EFNA5: variants seen among roughly 807,000 people sequenced by gnomAD.
EFNA5 encodes the protein ephrin-A5.
Under a neutral mutation model 22.9 loss-of-function variants are expected in EFNA5, and 5 were observed. That is an observed-to-expected ratio of 0.22 (90% confidence interval 0.11 to 0.46). EFNA5 has a LOEUF of 0.46. Ranked by LOEUF, EFNA5 falls within the 20% of genes least tolerant of loss-of-function variation. EFNA5 has a pLI of 0.99. For missense variants in EFNA5, 237 were observed against 293.3 expected, an observed-to-expected ratio of 0.81 and a Z score of 1.40; for synonymous variants, 113 against 112.2, an observed-to-expected ratio of 1.01 and a Z score of -0.04.
At chr5:107,638,761 G>A (rs767464673) in intron 1 of EFNA5, among the ~76,000 whole-genome samples, 4 of 152,090 alleles carry the variant, frequency 2.6e-5, no homozygotes, top group African/African-American at 9.7e-5. Context: ...CACGGATACC[G>A]AGGGATGAAT....
intron 1 of EFNA5, among the ~76,000 whole-genome samples, chr5:107,511,002 TTGTGTGTG>T (rs71644591): frequency 4.8e-4 from 67 of 140,398 alleles, no homozygotes; most frequent in East Asian, 6.2e-4. Context: ...TTCTTTTTCT[TTGTGTGTG>T]TGTGTGTGTG....
intron 1 of EFNA5, among the ~76,000 whole-genome samples, chr5:107,599,695 GA>G (rs35228257): frequency 1.3e-5 from 2 of 152,198 alleles, no homozygotes; most frequent in African/African-American, 4.8e-5. Flanking sequence ...AATATTTTAT[GA>G]AAAGTAGCTA....
intron 2 of EFNA5, among the ~76,000 whole-genome samples, chr5:107,421,080 T>G (rs1449144988): frequency 6.6e-6 from 1 of 152,228 alleles, no homozygotes; most frequent in Non-Finnish European, 1.5e-5. Context: ...AAATGATTTC[T>G]GAAGCTGATC....
At chr5:107,519,502 G>T (rs1358615899) in intron 1 of EFNA5, among the ~76,000 whole-genome samples, 1 of 152,176 alleles carries the variant, frequency 6.6e-6, no homozygotes, top group Non-Finnish European at 1.5e-5. Context: ...AGAAAGCCCT[G>T]TTCAGAATTT....
chr5:107,481,651 C>T (rs935744816), intron 1 of EFNA5, among the ~76,000 whole-genome samples: 1 of 151,758 alleles, frequency 6.6e-6, no homozygotes, highest in Non-Finnish European at 1.5e-5. Context: ...GAGTTAGAGA[C>T]CAGCCTGGCC....
chr5:107,482,828 CTCTG>C (rs1444187272), intron 1 of EFNA5, among the ~76,000 whole-genome samples: 66 of 87,100 alleles, frequency 7.6e-4, no homozygotes, highest in East Asian at 3.5e-3. Flanking sequence ...CTCTCTCTGT[CTCTG>C]TCTCTCTCTC....
intron 2 of EFNA5, among the ~76,000 whole-genome samples, chr5:107,390,479 C>A (rs1386305020): frequency 6.6e-5 from 10 of 152,018 alleles, no homozygotes; most frequent in Non-Finnish European, 1.5e-4. Context: ...ATGTAACATT[C>A]CCACTAATAA....
chr5:107,575,364 T>C (rs1009091254), intron 1 of EFNA5, among the ~76,000 whole-genome samples: 6 of 152,210 alleles, frequency 3.9e-5, no homozygotes, highest in Middle Eastern at 3.2e-3. Flanking sequence ...TTTGGGTTGT[T>C]TTGTGGTCAT....
At chr5:107,506,976 C>G (rs1450867157) in intron 1 of EFNA5, among the ~76,000 whole-genome samples, 1 of 152,054 alleles carries the variant, frequency 6.6e-6, no homozygotes, top group Non-Finnish European at 1.5e-5. Flanking sequence ...AATAATGCAT[C>G]ATCTTCAGGG....
At chr5:107,398,058 C>T (rs919165785) in intron 2 of EFNA5, among the ~76,000 whole-genome samples, 12 of 152,052 alleles carry the variant, frequency 7.9e-5, no homozygotes, top group South Asian at 4.1e-4. Flanking sequence ...TTTTGAGACA[C>T]GGTCTCTCTC....
intron 1 of EFNA5, among the ~76,000 whole-genome samples, chr5:107,592,788 CTG>C (rs1749403954): frequency 6.6e-6 from 1 of 152,116 alleles, no homozygotes; most frequent in Admixed American, 6.5e-5. Flanking sequence ...GAAGTGAAAT[CTG>C]TGACTGGGAG....
At chr5:107,577,154 C>T (rs887668097) in intron 1 of EFNA5, among the ~76,000 whole-genome samples, 5 of 152,168 alleles carry the variant, frequency 3.3e-5, no homozygotes, top group Admixed American at 1.3e-4. Context: ...AAATGACTAA[C>T]ATAATTGCCA....
At chr5:107,540,932 C>T (rs757597402) in intron 1 of EFNA5, among the ~76,000 whole-genome samples, 2 of 152,060 alleles carry the variant, frequency 1.3e-5, no homozygotes, top group Non-Finnish European at 2.9e-5. Flanking sequence ...CATGGTGAAG[C>T]CCTGTCTCTA....
chr5:107,473,240 T>C (rs2112388271), intron 1 of EFNA5, among the ~76,000 whole-genome samples: 1 of 149,866 alleles, frequency 6.7e-6, no homozygotes, highest in Admixed American at 6.7e-5. Context: ...AGCCACATCA[T>C]TCCCCATTGC....
intron 1 of EFNA5, among the ~76,000 whole-genome samples, chr5:107,578,738 A>G (rs1748978911): frequency 6.6e-6 from 1 of 152,114 alleles, no homozygotes; most frequent in Admixed American, 6.6e-5. Context: ...ACATTTGCCA[A>G]GCAGAATTCT....
chr5:107,386,529 T>C (rs150246997), intron 4 of EFNA5, among the ~76,000 whole-genome samples: 17 of 152,304 alleles, frequency 1.1e-4, no homozygotes, highest in Admixed American at 9.8e-4. Flanking sequence ...TGGGAAACAT[T>C]AGGAGTGTGG....
chr5:107,521,834 C>CT lies in EFNA5; in HGVS notation c.126-94326dup, dbSNP rs369690829. On this transcript the variant is annotated intron_variant, in intron 1 of 4. Transcript: ENST00000333274. ...TATTATTGTATGTCTTTTTTTCTTT[C>CT]TTAGTCAGTTCCCGCTATGTTTTCC... Among the ~76,000 whole-genome samples, 50 of 151,822 alleles carry CT rather than the reference C, an allele frequency of 3.3e-4. 2 individuals are homozygous for CT. The highest frequency in any genetic ancestry group is 1.2e-3 in the African/African-American group (49 of 41,424).
intron 1 of EFNA5, among the ~76,000 whole-genome samples, chr5:107,670,092 C>T (rs1159100341): frequency 2.7e-5 from 4 of 150,882 alleles, no homozygotes; most frequent in African/African-American, 9.7e-5. Context: ...TCCGCAGTCC[C>T]TGCGGACCCA....
intron 3 of EFNA5, 70 bp downstream of exon 3, chr5:107,387,636 C>A: frequency 8.6e-7 from 1 of 1,157,190 alleles, no homozygotes; most frequent in Non-Finnish European, 1.3e-6. Context: ...GTTTTACCGC[C>A]GTGAACCAGA....
Sources: gnomAD v4.1 joint callset for allele counts (sites outside exome capture counted in the v4.1 genomes callset) on GRCh38, gnomAD v4.1.1 for gene constraint, MANE v1.5 for transcripts, NCBI Gene and HGNC (gene_info 2026-07-23, HGNC 2026-07-21) for gene names.